Variants in GORASP2 observed in about 807,000 individuals in gnomAD.
GORASP2 encodes Golgi reassembly-stacking protein 2.
In GORASP2, 22 loss-of-function variants were observed where a neutral mutation model predicts 45.7. The ratio of observed to expected loss-of-function variants is 0.48; its 90% confidence interval spans 0.34 to 0.69. The LOEUF (loss-of-function observed/expected upper bound fraction) is 0.69, where lower values mean the gene tolerates loss of function less well. Among genes scored for constraint, GORASP2 ranks in the 30% least tolerant of loss-of-function variants. GORASP2 has a pLI of 0.01. For missense variants in GORASP2, 491 were observed against 562.7 expected (o/e 0.87, Z 1.29); for synonymous variants, 221 against 215.6 (o/e 1.02, Z -0.22).
At chr2:170,935,318 G>A (rs548128877) in intron 1 of GORASP2, among the ~76,000 whole-genome samples, 3 of 151,122 alleles carry the variant, frequency 2.0e-5, no homozygotes, top group Non-Finnish European at 3.0e-5. Flanking sequence ...GCAGTGGCGC[G>A]ATCTCAGCTC....
chr2:170,963,474 C>G (rs1704617214), intron 9 of GORASP2, among the ~76,000 whole-genome samples: 1 of 128,224 alleles, frequency 7.8e-6, no homozygotes, highest in Non-Finnish European at 1.8e-5. Context: ...TCCTCCTCCC[C>G]CTCCTCCTCC....
chr2:170,934,247 GT>G (rs200425729), intron 1 of GORASP2, among the ~76,000 whole-genome samples: 41 of 128,402 alleles, frequency 3.2e-4, no homozygotes, highest in East Asian at 6.1e-4. Context: ...CTCATACCCT[GT>G]TTTTTTTTTT....
rs778379039 is a variant in GORASP2 at position 170,961,742 on chromosome 2, A to G, written c.903A>G (p.Thr301=). The change falls in exon 8 of 10, where the codon ACA becomes ACG. Residue 301 remains threonine (T), a synonymous_variant. Transcript: ENST00000234160. The part of the protein sequence containing the change: ...TSVPPMNPAT[T]LPGLMPLPAG... The stretch of plus-strand genomic sequence containing the variant: ...TGCCACCAATGAATCCAGCTACTAC[A>G]TTACCAGGTAACCACCAGGGGACTA... 6.5e-7 allele frequency: 1 copy of G among 1,539,632 alleles called. No individual in the cohort carries two copies.
chr2:170,951,340 T>G lies in GORASP2; in HGVS notation c.448T>G (p.Phe150Val). The change falls in exon 5 of 10, where the codon TTC (phenylalanine) becomes GTC (valine). Residue 150 changes from phenylalanine to valine, a missense_variant. Physicochemically the swap from Phe to Val is conservative, Grantham distance 50 (BLOSUM62 -1). This residue lies in a region of GORASP2 where 194 missense variants were observed against 270.4 expected (regional missense o/e 0.72). Transcript: ENST00000234160. ...GACACTTTTGCAGTCTGAAGATCTA[T>G]TCAGCCTTATCGAAACACATGAAGC... ...DTVMNESEDL[F>V]SLIETHEAKP... 6.2e-7 allele frequency: 1 copy of G among 1,607,856 alleles called. No homozygotes were observed. The highest frequency in any genetic ancestry group is 8.5e-7 in the Non-Finnish European group (1 of 1,178,074).
At chr2:170,930,113 G>A (rs1303681710) in intron 1 of GORASP2, among the ~76,000 whole-genome samples, 2 of 152,212 alleles carry the variant, frequency 1.3e-5, no homozygotes, top group African/African-American at 4.8e-5. Context: ...GTGGTAAAGA[G>A]GTAGTGCAGA....
At chr2:170,946,383 AG>A (rs747433689) in intron 1 of GORASP2, among the ~76,000 whole-genome samples, 1 of 152,132 alleles carries the variant, frequency 6.6e-6, no homozygotes, top group Non-Finnish European at 1.5e-5. Context: ...AAAAATGTGG[AG>A]TGGATTATAT....
intron 1 of GORASP2, among the ~76,000 whole-genome samples, chr2:170,938,217 G>T (rs960134774): frequency 2.0e-5 from 3 of 152,238 alleles, no homozygotes; most frequent in Non-Finnish European, 4.4e-5. Context: ...AATGTTAGCT[G>T]ATGCCTTTAT....
At chr2:170,945,593 C>A (rs1177250273) in intron 1 of GORASP2, among the ~76,000 whole-genome samples, 1 of 151,714 alleles carries the variant, frequency 6.6e-6, no homozygotes, top group Non-Finnish European at 1.5e-5. Context: ...ATGATTTGGT[C>A]CCAAATTTGC....
Position 170,948,381 on chromosome 2 carries a change from G to A in GORASP2, c.95G>A (p.Gly32Asp). 6.2e-7 allele frequency: 1 copy of A among 1,601,826 alleles called. No individual in the cohort carries two copies. Among genetic ancestry groups the A allele is most frequent in the Admixed American group, 1.7e-5 (1 of 59,538 alleles). Residue 32 changes from glycine to aspartate, a missense_variant, in exon 2 of 10, where the codon GGT becomes GAT. This residue lies in a region of GORASP2 where 194 missense variants were observed against 270.4 expected (regional missense o/e 0.72). Transcript: ENST00000234160. ...GAAAATTCCCCAGGACACAGAGCTG[G>A]TTTGGAGCCTTTCTTTGATTTTATT... Reference protein sequence around the residue: ...VQENSPGHRAGLEPFFDFIVS... With the variant: ...VQENSPGHRADLEPFFDFIVS...
At chr2:170,957,043 A>T (rs900700184) in intron 7 of GORASP2, among the ~76,000 whole-genome samples, 5 of 152,244 alleles carry the variant, frequency 3.3e-5, no homozygotes, top group Admixed American at 2.6e-4. Context: ...CTAAATCACC[A>T]TGTGGATACA....
chr2:170,956,413 G>GTTT (rs574067455), intron 6 of GORASP2, 23 bp from the exon 7 acceptor site: 1 of 1,523,642 alleles, frequency 6.6e-7, no homozygotes. Flanking sequence ...TAATCTTTGT[G>GTTT]TTTTTTTTTC....
At chr2:170,961,564 C>T (rs915075611) in intron 7 of GORASP2, 99 bp from the exon 8 acceptor site, 5 of 767,886 alleles carry the variant, frequency 6.5e-6, no homozygotes, top group South Asian at 1.4e-5. Context: ...GAAGACCTGA[C>T]CACGGGGCAA....
At chr2:170,935,474 A>G (rs746344814) in intron 1 of GORASP2, among the ~76,000 whole-genome samples, 1 of 151,922 alleles carries the variant, frequency 6.6e-6, no homozygotes, top group African/African-American at 2.4e-5. Context: ...AGGTTGGTCT[A>G]GAACTTCAGA....
chr2:170,961,164 C>T (rs150560353), intron 7 of GORASP2, among the ~76,000 whole-genome samples: 33 of 152,318 alleles, frequency 2.2e-4, no homozygotes, highest in Non-Finnish European at 4.6e-4. Flanking sequence ...GTCATTCTCT[C>T]CATCCTAGAG....
Position 170,951,244 on chromosome 2 carries a change from C to G in GORASP2, c.436-84C>G, listed in dbSNP as rs189736785. On this transcript the variant is annotated intron_variant, in intron 4 of 9. Transcript: ENST00000234160. Reference sequence around the variant, plus strand: ...ATCTGTATTTTTTTCTTAGATTTCTCAGGTGATTCTGATAGCCAGGTTTGA... The same window carrying G: ...ATCTGTATTTTTTTCTTAGATTTCTGAGGTGATTCTGATAGCCAGGTTTGA... 2,996 of 1,025,658 alleles carry G rather than the reference C, an allele frequency of 2.9e-3. 5 individuals carry two copies. The highest frequency in any genetic ancestry group is 3.7e-3 in the Non-Finnish European group (2,607 of 709,548). 63.5% of individuals were successfully genotyped at this position (1,025,658 alleles called of 1,614,324 possible). A position where few individuals can be genotyped will look rare whatever the true frequency, so the allele number is the denominator to read the frequency against.
Position 170,938,725 on chromosome 2 carries a change from G to A in GORASP2, c.63+9322G>A, listed in dbSNP as rs1704010197. On this transcript the variant is annotated intron_variant, in intron 1 of 9. Transcript: ENST00000234160. ...TCATTTTTGCAGCTAAAGAAAAGAAGCACAGGCCTGTAATCCCAGTACTTT... is the reference window on the plus strand; with the variant it reads ...TCATTTTTGCAGCTAAAGAAAAGAAACACAGGCCTGTAATCCCAGTACTTT... Among the ~76,000 whole-genome samples, 3 of 152,292 alleles carry A rather than the reference G, an allele frequency of 2.0e-5. 1 individual carries two copies. The South Asian group carries it at 6.2e-4, about 32-fold the overall frequency.
chr2:170,934,770 C>G (rs1436286086), intron 1 of GORASP2, among the ~76,000 whole-genome samples: 3 of 152,014 alleles, frequency 2.0e-5, no homozygotes, highest in African/African-American at 4.8e-5. Context: ...TGGAGTCTCG[C>G]TCTGTTGCCA....
intron 5 of GORASP2, among the ~76,000 whole-genome samples, chr2:170,953,014 GAACA>G (rs1189329785): frequency 6.6e-6 from 1 of 152,124 alleles, no homozygotes; most frequent in African/African-American, 2.4e-5. Context: ...AGGGAAGAAG[GAACA>G]AATAATTGTG....
intron 1 of GORASP2, among the ~76,000 whole-genome samples, chr2:170,931,952 G>T (rs1044426245): frequency 6.6e-6 from 1 of 152,200 alleles, no homozygotes. Context: ...CTTTGGCCGC[G>T]CACAGTGGCT....
Sources: gnomAD v4.1 joint callset for allele counts (sites outside exome capture counted in the v4.1 genomes callset) on GRCh38, gnomAD v4.1.1 for gene constraint, gnomAD v4.1.1 regional missense constraint, MANE v1.5 for transcripts, NCBI Gene and HGNC (gene_info 2026-07-23, HGNC 2026-07-21) for gene names.